The following SGSM1 variants were observed in gnomAD, a reference collection of about 807,000 sequenced individuals.
SGSM1 encodes RUN and TBC1 domain containing 2.
A neutral mutation model predicts 133.8 loss-of-function variants in SGSM1; 73 were observed. The observed-to-expected ratio is 0.55, with a 90% CI of 0.45 to 0.66. The LOEUF (loss-of-function observed/expected upper bound fraction) is 0.66. Ranked by LOEUF, SGSM1 falls within the 30% of genes least tolerant of loss-of-function variation. The pLI, the probability that SGSM1 is intolerant of heterozygous loss-of-function variation, is 0.00. For missense variants in SGSM1, 1,213 were observed against 1,448.1 expected, an observed-to-expected ratio of 0.84 and a Z score of 2.64; for synonymous variants, 563 against 573.0, an observed-to-expected ratio of 0.98 and a Z score of 0.25.
chr22:24,849,772 C>T (rs1244638975), intron 4 of SGSM1, among the ~76,000 whole-genome samples: 2 of 152,158 alleles, frequency 1.3e-5, no homozygotes, highest in African/African-American at 4.8e-5. Context: ...GGGAGGGAAC[C>T]CGGAAGAAGC....
intron 12 of SGSM1, chr22:24,874,341 T>C: frequency 6.8e-7 from 1 of 1,480,430 alleles, no homozygotes; most frequent in East Asian, 2.4e-5. Context: ...AGAAACTGGC[T>C]CTTCCAGCTG....
rs1327606349 is a variant in SGSM1 at position 24,912,894 on chromosome 22, CTT to C, written c.2928+143_2928+144del. On this transcript the variant is annotated intron_variant, in intron 22 of 24. Transcript: ENST00000400358. ...CTGCCATACAAACTCAGCATATACT[CTT>C]ATCTCTGTGGGCCTCAGTTTTCTTA... 1.2e-5 allele frequency: 7 copies of C among 604,814 alleles called. No homozygotes were observed. In the East Asian group the frequency reaches 2.0e-4, roughly 17 times the overall value. The allele number at this position is 604,814 out of a possible 1,614,324, so 37.5% of individuals were successfully genotyped here.
intron 2 of SGSM1, among the ~76,000 whole-genome samples, chr22:24,832,621 G>A (rs1324648311): frequency 6.6e-5 from 10 of 152,170 alleles, no homozygotes; most frequent in Non-Finnish European, 1.5e-4. Flanking sequence ...TCTGGCACAC[G>A]AGAAGGGCTT....
chr22:24,859,611 C>G, intron 8 of SGSM1, 105 bp from the exon 9 acceptor site: 1 of 1,501,518 alleles, frequency 6.7e-7, no homozygotes, highest in African/African-American at 1.4e-5. Context: ...GGGATTAACC[C>G]AACCTCTTAG....
At chr22:24,868,962 CAGGAGGA>C (rs1931620431) in intron 12 of SGSM1, 107 bp downstream of exon 12, 1 of 1,474,764 alleles carries the variant, frequency 6.8e-7, no homozygotes, top group Non-Finnish European at 9.1e-7. Flanking sequence ...CTGGGGCTAA[CAGGAGGA>C]TCTGGAAACA....
intron 2 of SGSM1, among the ~76,000 whole-genome samples, chr22:24,842,587 A>G (rs554516595): frequency 2.6e-4 from 40 of 152,292 alleles, no homozygotes; most frequent in African/African-American, 9.1e-4. Context: ...GGAAACACAG[A>G]ATGGTTGCCC....
In SGSM1 at chr22:24,902,777, A is replaced by C. The variant is rs1162839711; in HGVS notation, c.2735+820A>C. On this transcript the variant is annotated intron_variant, in intron 20 of 24. Coordinates refer to ENST00000400358, the MANE Select transcript of SGSM1 (RefSeq NM_001098497.3). ...CTTGTTAAAAATCTAAATCACTGACAACTCTAATCCCAGCACTTTGGGAGG... is the reference window on the plus strand; with the variant it reads ...CTTGTTAAAAATCTAAATCACTGACCACTCTAATCCCAGCACTTTGGGAGG... Among the ~76,000 whole-genome samples, 3 of 152,108 alleles carry C rather than the reference A, an allele frequency of 2.0e-5. No homozygotes were observed. The East Asian group carries it at 5.8e-4, about 29-fold the overall frequency.
At chr22:24,916,140 T>C (rs1933814851) in intron 22 of SGSM1, among the ~76,000 whole-genome samples, 1 of 152,084 alleles carries the variant, frequency 6.6e-6, no homozygotes. Context: ...ATTCACAGAG[T>C]TATGCAACAA....
chr22:24,815,716 G>A (rs571340190), intron 2 of SGSM1, among the ~76,000 whole-genome samples: 5 of 152,240 alleles, frequency 3.3e-5, no homozygotes, highest in South Asian at 2.1e-4. Flanking sequence ...ACTGGAGGGC[G>A]AAAGAGTGAG....
At chr22:24,813,057 C>G (rs1010282350) in intron 2 of SGSM1, among the ~76,000 whole-genome samples, 1 of 152,144 alleles carries the variant, frequency 6.6e-6, no homozygotes, top group Non-Finnish European at 1.5e-5. Flanking sequence ...GATGGCCTCA[C>G]TGATGGGATG....
intron 21 of SGSM1, among the ~76,000 whole-genome samples, chr22:24,905,583 C>T (rs999085673): frequency 9.2e-5 from 14 of 151,886 alleles, no homozygotes; most frequent in Admixed American, 7.9e-4. Context: ...GTCAGGAGAT[C>T]GAGACCATCC....
chr22:24,845,957 C>CT lies in SGSM1; in HGVS notation c.139+988dup, dbSNP rs1252145833. 5.4e-3 allele frequency among the ~76,000 whole-genome samples: 496 copies of CT among 91,200 alleles called. 13 individuals are homozygous for CT. Among genetic ancestry groups the CT allele is most frequent in the African/African-American group, 0.016 (443 of 27,458 alleles). The allele number at this position is 91,200 out of a possible 152,430, so 59.8% of individuals were successfully genotyped here. A position where few individuals can be genotyped will look rare whatever the true frequency, so the allele number is the denominator to read the frequency against. On this transcript the variant is annotated intron_variant, in intron 3 of 24. Transcript: ENST00000400358. ...TTTCTTTTCTTTTCTTTCTTTCTTT[C>CT]TTTCTTTCTTTCTTTCTTTCTTTCT... is the stretch of plus-strand genomic sequence containing the variant.
chr22:24,884,246 G>A (rs1369555696), intron 15 of SGSM1, 48 bp downstream of exon 15: 3 of 1,565,256 alleles, frequency 1.9e-6, no homozygotes, highest in Non-Finnish European at 8.7e-7. Flanking sequence ...GGCTGCAGGG[G>A]GGTCATCTTA....
chr22:24,855,742 A>G (rs1482475937), intron 8 of SGSM1, 62 bp downstream of exon 8: 1 of 1,613,014 alleles, frequency 6.2e-7, no homozygotes, highest in African/African-American at 1.3e-5. Context: ...TATAGAGGAA[A>G]AGGTCTCTCT....
At chr22:24,870,645 C>T (rs1931724096) in intron 12 of SGSM1, among the ~76,000 whole-genome samples, 1 of 152,204 alleles carries the variant, frequency 6.6e-6, no homozygotes, top group East Asian at 1.9e-4. Context: ...CAGCTCCCTG[C>T]CTCAGTATCT....
At chr22:24,874,499 T>G (rs1931927247) in intron 12 of SGSM1, 1 of 1,613,346 alleles carries the variant, frequency 6.2e-7, no homozygotes, top group African/African-American at 1.3e-5. Flanking sequence ...TCCATGCTGG[T>G]GGTGGCCAGA....
chr22:24,806,733 C>T (rs1927412672), intron 2 of SGSM1, among the ~76,000 whole-genome samples: 1 of 151,558 alleles, frequency 6.6e-6, no homozygotes. Flanking sequence ...GCGTGAGGGC[C>T]CTCCAGGTGT....
At chr22:24,851,492 T>G (rs1257951305) in intron 5 of SGSM1, among the ~76,000 whole-genome samples, 5 of 147,914 alleles carry the variant, frequency 3.4e-5, no homozygotes, top group Non-Finnish European at 6.0e-5. Flanking sequence ...GAGAAATATC[T>G]CAGAATCTCT....
chr22:24,834,962 A>G (rs1929341927), intron 2 of SGSM1, among the ~76,000 whole-genome samples: 1 of 151,988 alleles, frequency 6.6e-6, no homozygotes. Flanking sequence ...GAGGCAAGGT[A>G]GGCTGGAGAG....
Sources: gnomAD v4.1 joint callset for allele counts (sites outside exome capture counted in the v4.1 genomes callset) on GRCh38, gnomAD v4.1.1 for gene constraint, MANE v1.5 for transcripts, NCBI Gene and HGNC (gene_info 2026-07-23, HGNC 2026-07-21) for gene names.